Variants in FUT8 observed in about 807,000 individuals in gnomAD.
FUT8 encodes alpha-(1,6)-fucosyltransferase.
FUT8 carries 29 observed loss-of-function variants against 71.3 expected under a neutral mutation model. That is an observed-to-expected ratio of 0.41 (90% confidence interval 0.30 to 0.55). The LOEUF is 0.55. Ranked by LOEUF, FUT8 falls within the 20% of genes least tolerant of loss-of-function variation. The pLI is 0.34. For missense variants in FUT8, 544 were observed against 702.1 expected (o/e 0.77, Z 2.55); for synonymous variants, 254 against 239.3 (o/e 1.06, Z -0.57).
intron 1 of FUT8, among the ~76,000 whole-genome samples, chr14:65,439,954 G>GTATACGTATATATATATATATATATA (rs1555360999): frequency 4.0e-5 from 3 of 74,984 alleles, no homozygotes; most frequent in African/African-American, 5.1e-5. Context: ...GTGTGTGTGT[G>GTATACGTATATATATATATATATATA]TATATATATA....
chr14:65,425,976 C>CAA (rs144903947), intron 1 of FUT8, among the ~76,000 whole-genome samples: 1 of 139,636 alleles, frequency 7.2e-6, no homozygotes, highest in East Asian at 2.1e-4. Flanking sequence ...GACTCTGTCT[C>CAA]AAAAAAAAAA....
At chr14:65,464,488 G>GT (rs2066013315) in intron 2 of FUT8, among the ~76,000 whole-genome samples, 1 of 152,064 alleles carries the variant, frequency 6.6e-6, no homozygotes, top group Non-Finnish European at 1.5e-5. Flanking sequence ...GGTGTTTGCT[G>GT]TAAGTTTTTT....
intron 2 of FUT8, among the ~76,000 whole-genome samples, chr14:65,506,750 C>T (rs761466340): frequency 2.6e-5 from 4 of 152,158 alleles, no homozygotes; most frequent in Non-Finnish European, 2.9e-5. Flanking sequence ...CAGTATCCCT[C>T]CCCTCAAGCA....
At chr14:65,695,472 A>G (rs140051639) in intron 7 of FUT8, among the ~76,000 whole-genome samples, 4 of 152,134 alleles carry the variant, frequency 2.6e-5, no homozygotes, top group Admixed American at 2.6e-4. Flanking sequence ...TTTTTATTCA[A>G]TATTAGAGCT....
chr14:65,364,196 C>T, the FUT8 span, among the ~76,000 whole-genome samples: 6 of 71,524 alleles, frequency 8.4e-5, no homozygotes, highest in Non-Finnish European at 1.7e-4. Context: ...ATAACAGATC[C>T]AAAACCATTT....
At chr14:65,686,192 G>C (rs947471297) in intron 7 of FUT8, among the ~76,000 whole-genome samples, 1 of 152,160 alleles carries the variant, frequency 6.6e-6, no homozygotes, top group African/African-American at 2.4e-5. Flanking sequence ...TTGCATGATG[G>C]TAAACAGCTG....
upstream of FUT8, chr14:65,412,268 A>T: frequency 2.2e-6 from 1 of 455,996 alleles, no homozygotes; most frequent in South Asian, 1.5e-5. Context: ...TGCGGGCTGC[A>T]GGGGCTGAGC....
intron 7 of FUT8, among the ~76,000 whole-genome samples, chr14:65,702,939 G>T (rs1052874905): frequency 6.6e-6 from 1 of 152,122 alleles, no homozygotes; most frequent in Non-Finnish European, 1.5e-5. Context: ...TAGAAACAGG[G>T]TTTCACCCTG....
chr14:65,634,088 C>A (rs1890400620), intron 6 of FUT8, among the ~76,000 whole-genome samples: 1 of 152,110 alleles, frequency 6.6e-6, no homozygotes, highest in Non-Finnish European at 1.5e-5. Flanking sequence ...TGAGAACGGG[C>A]CATGATGACA....
intron 1 of FUT8, among the ~76,000 whole-genome samples, chr14:65,421,340 T>G (rs2065291354): frequency 1.3e-5 from 2 of 152,078 alleles, no homozygotes; most frequent in South Asian, 4.1e-4. Context: ...GAATTCGTCT[T>G]GTTGGTCTCA....
intron 3 of FUT8, among the ~76,000 whole-genome samples, chr14:65,599,390 T>C (rs975001883): frequency 6.6e-6 from 1 of 152,210 alleles, no homozygotes; most frequent in South Asian, 2.1e-4. Flanking sequence ...TCTTAAAAAT[T>C]GAAGAAGTGC....
intron 2 of FUT8, among the ~76,000 whole-genome samples, chr14:65,519,715 T>C (rs554191641): frequency 2.0e-5 from 3 of 152,354 alleles, no homozygotes; most frequent in African/African-American, 4.8e-5. Flanking sequence ...TAAAGAAATA[T>C]AGTTAACCAG....
At chr14:65,474,548 G>A (rs1218493823) in intron 2 of FUT8, among the ~76,000 whole-genome samples, 1 of 151,524 alleles carries the variant, frequency 6.6e-6, no homozygotes, top group African/African-American at 2.4e-5. Flanking sequence ...GCAGTGAGCC[G>A]AGATTGTGCC....
chr14:65,736,048 A>G (rs1896199856), intron 10 of FUT8, among the ~76,000 whole-genome samples: 1 of 152,154 alleles, frequency 6.6e-6, no homozygotes. Context: ...CCTGTGCTGT[A>G]GAGTCAGGAT....
intron 2 of FUT8, among the ~76,000 whole-genome samples, chr14:65,535,736 A>G (rs1045595162): frequency 3.9e-5 from 6 of 152,162 alleles, no homozygotes; most frequent in East Asian, 1.9e-4. Flanking sequence ...CCATGTGCAG[A>G]TGAGAAGAAT....
intron 3 of FUT8, among the ~76,000 whole-genome samples, chr14:65,596,546 CT>C (rs1156629985): frequency 6.6e-6 from 1 of 152,102 alleles, no homozygotes; most frequent in Non-Finnish European, 1.5e-5. Context: ...AGCCATCTTT[CT>C]TTCATTCTTC....
chr14:65,691,081 T>G (rs1421649971), intron 7 of FUT8, among the ~76,000 whole-genome samples: 3 of 151,122 alleles, frequency 2.0e-5, no homozygotes, highest in Non-Finnish European at 2.9e-5. Context: ...TAGTTACTTA[T>G]TAGTTCCAGC....
chr14:65,727,991 C>G (rs553714567), intron 9 of FUT8, among the ~76,000 whole-genome samples: 2 of 152,300 alleles, frequency 1.3e-5, no homozygotes, highest in South Asian at 4.1e-4. Context: ...ACAAGAGTCA[C>G]CTTTGCTCTA....
chr14:65,556,601 T>C (rs1223519486), intron 2 of FUT8, among the ~76,000 whole-genome samples: 1 of 152,180 alleles, frequency 6.6e-6, no homozygotes, highest in Non-Finnish European at 1.5e-5. Flanking sequence ...TTTTACTGTA[T>C]TCTATTTAAG....
Sources: gnomAD v4.1 joint callset for allele counts (sites outside exome capture counted in the v4.1 genomes callset) on GRCh38, gnomAD v4.1.1 for gene constraint, MANE v1.5 for transcripts, NCBI Gene and HGNC (gene_info 2026-07-23, HGNC 2026-07-21) for gene names.